MYH11: variants seen among roughly 807,000 people sequenced by gnomAD.
The protein encoded by MYH11 is myosin-11.
Under a neutral mutation model 246.6 loss-of-function variants are expected in MYH11, and 80 were observed. The ratio of observed to expected loss-of-function variants is 0.32; its 90% confidence interval spans 0.27 to 0.39. The LOEUF (loss-of-function observed/expected upper bound fraction) is 0.39, where lower values mean the gene tolerates loss of function less well. MYH11 is among the 10% of genes least tolerant of loss of function. The probability of loss-of-function intolerance (pLI) is 1.00; values close to 1 mark genes in which losing one functional copy is unlikely to be tolerated. For synonymous variants in MYH11, 1,071 were observed against 1,015.5 expected, an observed-to-expected ratio of 1.05 and a Z score of -1.04; for missense variants, 2,158 against 2,546.8, an observed-to-expected ratio of 0.85 and a Z score of 3.29.
chr16:15,804,891 G>A lies in MYH11; in HGVS notation c.503-6204C>T, dbSNP rs114979469. 7.0e-3 allele frequency among the ~76,000 whole-genome samples: 1,067 copies of A among 152,290 alleles called. 8 individuals carry two copies. The highest frequency in any genetic ancestry group is 0.023 in the African/African-American group (960 of 41,562). On this transcript the variant is annotated intron_variant, in intron 3 of 40. Coordinates refer to ENST00000300036, the MANE Select transcript of MYH11 (RefSeq NM_002474.3). ...ACATTGTACGGATGGATCATATTTT[G>A]TTTATCCATTCAACAGTTGACGGAC...
chr16:15,718,756 G>A, intron 36 of MYH11: 1 of 474,016 alleles, frequency 2.1e-6, no homozygotes, highest in Non-Finnish European at 3.8e-6. Flanking sequence ...AAACAGGCAT[G>A]AAAGCGCTGA....
intron 19 of MYH11, 49 bp downstream of exon 19, chr16:15,747,519 CCT>C (rs772397496): frequency 3.3e-5 from 53 of 1,610,290 alleles, no homozygotes; most frequent in African/African-American, 2.8e-4. Flanking sequence ...CAGAAAGGCC[CCT>C]GTTTGTGATT....
At chr16:15,737,896 A>G (rs1438759245) in intron 24 of MYH11, among the ~76,000 whole-genome samples, 1 of 151,962 alleles carries the variant, frequency 6.6e-6, no homozygotes, top group Non-Finnish European at 1.5e-5. Context: ...GGGTTCAAGC[A>G]ATTCTCCTGC....
In MYH11 at chr16:15,745,241, G is replaced by C; in HGVS notation, c.2412-4C>G. ...CTGCTGCCTCTTGGCAAAAGCCCTA[G>C]GGAGGGGGGAAGAGAAGGTGCGGGG... is the stretch of plus-strand genomic sequence containing the variant. On this transcript the variant is annotated splice_region_variant and splice_polypyrimidine_tract_variant and intron_variant, in intron 19 of 40. Coordinates refer to ENST00000300036, the MANE Select transcript of MYH11 (RefSeq NM_002474.3). The C allele has an allele frequency of 6.2e-7, 1 of 1,612,256 alleles. No homozygotes were observed. Among genetic ancestry groups the C allele is most frequent in the Non-Finnish European group, 8.5e-7 (1 of 1,178,662 alleles).
At chr16:15,779,291 A>AGCCGGCTCTCCCTGGCT in intron 6 of MYH11, 1 of 262,834 alleles carries the variant, frequency 3.8e-6, no homozygotes, top group Non-Finnish European at 7.4e-6. Flanking sequence ...GGCATGCACC[A>AGCCGGCTCTCCCTGGCT]CCATATCTGG....
Position 15,838,101 on chromosome 16 carries a change from T to A in MYH11, c.152A>T (p.Lys51Met), listed in dbSNP as rs748791569. Residue 51 changes from lysine (K) to methionine (M), a missense_variant, in exon 2 of 41, where the codon AAG becomes ATG. This residue lies in a region of MYH11 where 96 missense variants were observed against 91.9 expected (regional missense o/e 1.04). Coordinates refer to ENST00000300036, the MANE Select transcript of MYH11 (RefSeq NM_002474.3). Reference protein sequence around the residue: ...EKQGFEAASIKEEKGDEVVVE... With the variant: ...EKQGFEAASIMEEKGDEVVVE... ...AACCACCTCATCCCCCTTCTCCTCC[T>A]TAATGCTGGCTGCCTCGAAGCCCTG... The A allele has an allele frequency of 3.7e-6, 6 of 1,614,122 alleles. No homozygotes were observed. The South Asian group carries it at 5.5e-5, about 15-fold the overall frequency.
intron 9 of MYH11, among the ~76,000 whole-genome samples, chr16:15,768,789 G>A (rs544774855): frequency 4.6e-5 from 7 of 152,166 alleles, no homozygotes; most frequent in South Asian, 2.1e-4. Flanking sequence ...TGGGGCTGCC[G>A]AAGGTGCTGG....
chr16:15,721,022 G>A lies in MYH11; in HGVS notation c.4608C>T (p.Ala1536=). 1.9e-6 allele frequency: 3 copies of A among 1,613,844 alleles called. No individual in the cohort carries two copies. Among genetic ancestry groups the A allele is most frequent in the Non-Finnish European group, 2.5e-6 (3 of 1,179,988 alleles). ...TCATCTCCTCCATCTGGGTCTCCAGGGCCCGCTTGGACTTCTCCAGCTCAT... is the reference window on the plus strand; with the variant it reads ...TCATCTCCTCCATCTGGGTCTCCAGAGCCCGCTTGGACTTCTCCAGCTCAT... ...NVHELEKSKR[A]LETQMEEMKT... is the part of the protein sequence containing the mutation. Residue 1536 remains alanine (A), a synonymous_variant, in exon 33 of 41, where the codon GCC becomes GCT. Transcript: ENST00000300036.
intron 27 of MYH11, among the ~76,000 whole-genome samples, chr16:15,728,599 GAAA>G (rs200146536): frequency 1.3e-5 from 2 of 151,076 alleles, no homozygotes; most frequent in Non-Finnish European, 3.0e-5. Flanking sequence ...TGCCCTACAG[GAAA>G]AAAAAAGTGT....
chr16:15,719,841 G>A (rs912098606), intron 34 of MYH11, 128 bp from the exon 35 acceptor site: 36 of 1,349,540 alleles, frequency 2.7e-5, no homozygotes, highest in Non-Finnish European at 3.5e-5. Context: ...CCCATTGCAC[G>A]AGCATGGCTC....
chr16:15,724,878 G>C lies in MYH11; in HGVS notation c.3963+10C>G, dbSNP rs2151219775. 5 of 1,613,980 alleles carry C rather than the reference G, an allele frequency of 3.1e-6. No individual in the cohort carries two copies. Among genetic ancestry groups the C allele is most frequent in the Non-Finnish European group, 3.4e-6 (4 of 1,179,998 alleles). On this transcript the variant is annotated intron_variant, in intron 29 of 40. Transcript: ENST00000300036. Reference sequence around the variant, plus strand: ...CCCAGGTCCCCTGGATGATGTGGCAGGACACTCACCTGGGTGTCCTGGAGC... The same window carrying C: ...CCCAGGTCCCCTGGATGATGTGGCACGACACTCACCTGGGTGTCCTGGAGC...
Position 15,753,431 on chromosome 16 carries a change from G to A in MYH11, c.1827C>T (p.Ala609=), listed in dbSNP as rs1177383353. The A allele has an allele frequency of 2.5e-6, 4 of 1,614,022 alleles. No individual in the cohort carries two copies. Among genetic ancestry groups the A allele is most frequent in the Non-Finnish European group, 3.4e-6 (4 of 1,180,026 alleles). ...GGTCGGCCACAAACTTGTCGGAGGAGGCATTGAGCAGGGAAGTCACGTTGT... is the reference window on the plus strand; with the variant it reads ...GGTCGGCCACAAACTTGTCGGAGGAAGCATTGAGCAGGGAAGTCACGTTGT... ...LNDNVTSLLN[A]SSDKFVADLW... Residue 609 remains alanine, a synonymous_variant, in exon 15 of 41, where the codon GCC becomes GCT. Coordinates refer to ENST00000300036, the MANE Select transcript of MYH11 (RefSeq NM_002474.3).
chr16:15,725,741 A>G (rs971644973), intron 28 of MYH11: 1 of 398,716 alleles, frequency 2.5e-6, no homozygotes, highest in Non-Finnish European at 4.4e-6. Context: ...ACATTTGTGA[A>G]AACTTTGGCC....
intron 20 of MYH11, 127 bp from the exon 21 acceptor site, chr16:15,742,018 T>C: frequency 7.1e-7 from 1 of 1,402,868 alleles, no homozygotes; most frequent in Non-Finnish European, 9.8e-7. Flanking sequence ...GGGGATATTG[T>C]CTGGAGACAC....
intron 3 of MYH11, among the ~76,000 whole-genome samples, chr16:15,807,423 TTTTG>T (rs917305204): frequency 3.3e-4 from 50 of 152,166 alleles, no homozygotes; most frequent in African/African-American, 1.1e-3. Context: ...ACGTCAGGTT[TTTTG>T]TTTGTTTGTT....
chr16:15,771,471 T>A, intron 9 of MYH11, 98 bp downstream of exon 9: 5 of 1,183,798 alleles, frequency 4.2e-6, no homozygotes, highest in African/African-American at 1.6e-5. Context: ...GGTGGGGAAT[T>A]CAGAGAGCAG....
chr16:15,788,343 A>G (rs937656654), intron 4 of MYH11, among the ~76,000 whole-genome samples: 4 of 151,650 alleles, frequency 2.6e-5, no homozygotes, highest in African/African-American at 9.7e-5. Context: ...AAAATATAAG[A>G]GAGTTTTTTT....
At chr16:15,855,745 T>G (rs1260519644) in intron 1 of MYH11, among the ~76,000 whole-genome samples, 3 of 152,202 alleles carry the variant, frequency 2.0e-5, no homozygotes, top group African/African-American at 4.8e-5. Flanking sequence ...GACTTTCAGT[T>G]CAGCGTCAAG....
At chr16:15,754,063 A>G (rs1205467085) in intron 14 of MYH11, among the ~76,000 whole-genome samples, 1 of 151,742 alleles carries the variant, frequency 6.6e-6, no homozygotes, top group Non-Finnish European at 1.5e-5. Context: ...AAAAAAAAAA[A>G]AAAATTAGCC....
Sources: gnomAD v4.1 joint callset for allele counts (sites outside exome capture counted in the v4.1 genomes callset) on GRCh38, gnomAD v4.1.1 for gene constraint, gnomAD v4.1.1 regional missense constraint, MANE v1.5 for transcripts, NCBI Gene and HGNC (gene_info 2026-07-23, HGNC 2026-07-21) for gene names.